The following KANK1 variants were observed in gnomAD, a reference collection of about 807,000 sequenced individuals.
KANK1 encodes the protein KN motif and ankyrin repeat domains 1.
In KANK1, 109 loss-of-function variants were observed where a neutral mutation model predicts 106.2. The ratio of observed to expected loss-of-function variants is 1.03; its 90% confidence interval spans 0.88 to 1.20. The LOEUF is 1.20. Ranked by LOEUF, KANK1 falls within the 50% of genes most tolerant of loss-of-function variation. The probability of loss-of-function intolerance (pLI) is 0.00; values close to 1 mark genes in which losing one functional copy is unlikely to be tolerated. For missense variants in KANK1, 2,399 were observed against 1,710.7 expected, an observed-to-expected ratio of 1.40 and a Z score of -7.10; for synonymous variants, 873 against 652.2, an observed-to-expected ratio of 1.34 and a Z score of -5.16.
In KANK1 at chr9:491,764, C is replaced by G. The variant is rs1462520439; in HGVS notation, c.-362+18491C>G. Among the ~76,000 whole-genome samples, 3 of 152,188 alleles carry G rather than the reference C, an allele frequency of 2.0e-5. No homozygotes were observed. The East Asian group carries it at 5.8e-4, about 29-fold the overall frequency. On this transcript the variant is annotated intron_variant, in intron 3 of 15. Transcript: ENST00000382303. ...ATCTTGAATTATAACTCCTACAATT[C>G]CCACATTTCGTGGAAGGAACCCGGT...
chr9:563,216 C>G (rs1816948720), intron 1 of KANK1, among the ~76,000 whole-genome samples: 1 of 150,066 alleles, frequency 6.7e-6, no homozygotes, highest in Admixed American at 6.6e-5. Context: ...ACTTACTGAC[C>G]CTTAATAGAA....
chr9:610,623 C>T (rs566438693), intron 1 of KANK1, among the ~76,000 whole-genome samples: 1 of 152,190 alleles, frequency 6.6e-6, no homozygotes, highest in Non-Finnish European at 1.5e-5. Flanking sequence ...CAAGACATGG[C>T]TACAACCTGC....
chr9:483,402 T>C (rs1259224304), intron 3 of KANK1, among the ~76,000 whole-genome samples: 1 of 152,188 alleles, frequency 6.6e-6, no homozygotes, highest in Non-Finnish European at 1.5e-5. Flanking sequence ...ATTGGAATGC[T>C]AGAGGAGCTT....
chr9:582,995 A>G (rs971354776), intron 1 of KANK1, among the ~76,000 whole-genome samples: 1 of 152,180 alleles, frequency 6.6e-6, no homozygotes, highest in Non-Finnish European at 1.5e-5. Flanking sequence ...ATTTTTTTTG[A>G]TATCAGAATG....
chr9:738,279 TG>T lies in KANK1; in HGVS notation c.3334-4del. The T allele has an allele frequency of 1.2e-6, 2 of 1,608,404 alleles. No individual in the cohort carries two copies. Among genetic ancestry groups the T allele is most frequent in the Non-Finnish European group, 8.5e-7 (1 of 1,177,026 alleles). ...AAGAACTAACGACCACTTGGTGTTTTGGCAGAGGTTCTGTCTGAACACCCTC... is the reference window on the plus strand; with the variant it reads ...AAGAACTAACGACCACTTGGTGTTTTGCAGAGGTTCTGTCTGAACACCCTC... On this transcript the variant is annotated splice_region_variant and splice_polypyrimidine_tract_variant and intron_variant, in intron 7 of 11. Transcript: ENST00000382297.
At chr9:605,823 C>T (rs1033433846) in intron 1 of KANK1, among the ~76,000 whole-genome samples, 1 of 151,460 alleles carries the variant, frequency 6.6e-6, no homozygotes, top group African/African-American at 2.4e-5. Context: ...GCCACTGTGC[C>T]CAGATTTTAT....
chr9:567,278 A>G (rs1333762107), intron 1 of KANK1, among the ~76,000 whole-genome samples: 2 of 152,120 alleles, frequency 1.3e-5, no homozygotes, highest in Non-Finnish European at 1.5e-5. Flanking sequence ...GGGTAGTGTA[A>G]TGCCTCCAGC....
upstream of KANK1, among the ~76,000 whole-genome samples, chr9:502,663 C>G (rs10815127): frequency 0.19 from 29,069 of 151,712 alleles, 5,764 homozygotes; most frequent in African/African-American, 0.51. Flanking sequence ...GCTGGGATTA[C>G]AGGTGCACGT....
intron 1 of KANK1, among the ~76,000 whole-genome samples, chr9:637,214 C>T (rs1240080944): frequency 6.6e-6 from 1 of 152,180 alleles, no homozygotes; most frequent in Non-Finnish European, 1.5e-5. Flanking sequence ...TCTTCTGTTG[C>T]CTTCAAACAC....
chr9:745,416 C>T lies in KANK1; in HGVS notation c.*181C>T, dbSNP rs568805906. On this transcript the variant is annotated 3_prime_UTR_variant, in exon 12 of 12. Transcript: ENST00000382297. ...GAGACTGCTAGCCTGGGCACACACA[C>T]CTCCTTTCTGGCCGTCTTCTGTGTA... The T allele has an allele frequency of 1.9e-5, 12 of 617,322 alleles. No individual in the cohort carries two copies. Among genetic ancestry groups the T allele is most frequent in the South Asian group, 1.8e-4 (9 of 50,824 alleles). The allele number at this position is 617,322 out of a possible 1,614,324, so 38.2% of individuals were successfully genotyped here.
At chr9:623,275 C>G (rs1043603511) in intron 1 of KANK1, among the ~76,000 whole-genome samples, 13 of 151,862 alleles carry the variant, frequency 8.6e-5, no homozygotes, top group African/African-American at 3.1e-4. Flanking sequence ...AAAGAAGACA[C>G]ACAAATAGCC....
intron 3 of KANK1, among the ~76,000 whole-genome samples, chr9:498,872 C>G (rs2132426645): frequency 6.6e-6 from 1 of 152,238 alleles, no homozygotes; most frequent in South Asian, 2.1e-4. Context: ...TTTGGTAGTT[C>G]CTCAAAAAGT....
rs551344599 is a variant in KANK1, at chr9:570,526, A to C, written c.-84+65772A>C. ...TCTTACCAGAAAGTTAATCTGTTAG[A>C]GGATCTTTCATCAGCATAAAAGGCA... is the stretch of plus-strand genomic sequence containing the variant. On this transcript the variant is annotated intron_variant, in intron 1 of 11. Transcript: ENST00000382297. Among the ~76,000 whole-genome samples, 4 of 152,308 alleles carry C rather than the reference A, an allele frequency of 2.6e-5. 1 individual carries two copies. The highest frequency in any genetic ancestry group is 3.4e-3 in the Middle Eastern group (1 of 294).
chr9:603,638 A>G (rs1828331893), intron 1 of KANK1, among the ~76,000 whole-genome samples: 1 of 151,724 alleles, frequency 6.6e-6, no homozygotes, highest in South Asian at 2.1e-4. Flanking sequence ...ATTAATTAAT[A>G]TACTCGTTTG....
Position 711,840 on chromosome 9 carries a change from AC to A in KANK1, c.1075del (p.Gln359ArgfsTer6). ...AGGAGGAAGAAATGGAGACCGTAGA[AC>A]AGAGCACGCAGAGGATAAAGGAGTT... ...YEEEEMETVE[Q>X]STQRIKEFRQ... On this transcript the variant is annotated frameshift_variant, in exon 3 of 12. Transcript: ENST00000382297. LOFTEE classifies it high-confidence loss of function. The A allele has an allele frequency of 6.2e-7, 1 of 1,614,190 alleles. No homozygotes were observed. Among genetic ancestry groups the A allele is most frequent in the Non-Finnish European group, 8.5e-7 (1 of 1,180,038 alleles).
intron 1 of KANK1, among the ~76,000 whole-genome samples, chr9:531,426 G>C (rs979699833): frequency 6.6e-6 from 1 of 152,166 alleles, no homozygotes; most frequent in African/African-American, 2.4e-5. Flanking sequence ...GTGAGACCCT[G>C]TCTCAAAAAA....
At chr9:586,246 G>A (rs1305388276) in intron 1 of KANK1, among the ~76,000 whole-genome samples, 2 of 152,210 alleles carry the variant, frequency 1.3e-5, no homozygotes, top group African/African-American at 2.4e-5. Context: ...AGCACAGTGA[G>A]GATGGAGAAT....
chr9:572,500 C>T (rs988029821), intron 1 of KANK1, among the ~76,000 whole-genome samples: 48 of 151,804 alleles, frequency 3.2e-4, no homozygotes, highest in Middle Eastern at 3.4e-3. Context: ...TGCAGTGAGC[C>T]GAGATCGCTC....
chr9:742,296 A>G lies in KANK1; in HGVS notation c.3788A>G (p.Gln1263Arg), dbSNP rs778288966. The G allele has an allele frequency of 1.2e-6, 2 of 1,614,024 alleles. No individual in the cohort carries two copies. The highest frequency in any genetic ancestry group is 1.7e-5 in the Admixed American group (1 of 60,006). The change falls in exon 10 of 12, where the codon CAG (glutamine) becomes CGG (arginine). Residue 1263 changes from glutamine to arginine, a missense_variant. Coordinates refer to ENST00000382297, the MANE Select transcript of KANK1 (RefSeq NM_015158.5). The stretch of plus-strand genomic sequence containing the variant: ...GCCTGTGGGGCTGATGTCAACATCC[A>G]GGATGACGAGGGCTCCACGGCCCTC... ...LLACGADVNI[Q>R]DDEGSTALMC...
Sources: allele counts gnomAD v4.1 joint callset (sites outside exome capture counted in the v4.1 genomes callset), GRCh38; gene constraint gnomAD v4.1.1; transcripts MANE v1.5; gene names NCBI Gene and HGNC (gene_info 2026-07-23, HGNC 2026-07-21).